CDKL5: variants seen among roughly 807,000 people sequenced by gnomAD.
CDKL5 encodes cyclin dependent kinase like 5, also known as cyclin-dependent kinase-like 5.
A neutral mutation model predicts 61.7 loss-of-function variants in CDKL5; 8 were observed. The observed-to-expected ratio is 0.13, with a 90% confidence interval of 0.08 to 0.23. The LOEUF is 0.23. Ranked by LOEUF, CDKL5 falls within the 10% of genes least tolerant of loss-of-function variation. The pLI, the probability that CDKL5 is intolerant of heterozygous loss-of-function variation, is 1.00. For synonymous variants in CDKL5, 275 were observed against 272.3 expected, an observed-to-expected ratio of 1.01 and a Z score of -0.10; for missense variants, 440 against 734.5, an observed-to-expected ratio of 0.60 and a Z score of 4.63.
At chrX:18,505,689 T>C (rs1922553593) in intron 1 of CDKL5, among the ~76,000 whole-genome samples, 2 of 112,509 alleles carry the variant, frequency 1.8e-5, no homozygotes, top group East Asian at 5.5e-4. Flanking sequence ...ATGTGATACA[T>C]CCTATCAGGG....
chrX:18,562,144 G>GT (rs1306766112), intron 3 of CDKL5, among the ~76,000 whole-genome samples: 1 of 111,577 alleles, frequency 9.0e-6, no homozygotes, highest in Non-Finnish European at 1.9e-5. Context: ...TGCCAGAGAG[G>GT]TTTTTTTAAA....
chrX:18,608,528 A>G (rs1249526456), intron 12 of CDKL5, among the ~76,000 whole-genome samples: 1 of 111,481 alleles, frequency 9.0e-6, no homozygotes, highest in Non-Finnish European at 1.9e-5. Context: ...AGATATTAGA[A>G]TGGTAATTTT....
chrX:18,544,793 A>C (rs1305944968), intron 3 of CDKL5, among the ~76,000 whole-genome samples: 1 of 112,779 alleles, frequency 8.9e-6, no homozygotes, highest in African/African-American at 3.2e-5. Context: ...TTTCTTTCTT[A>C]TTAAACCACA....
chrX:18,473,505 T>C (rs1034808606), intron 1 of CDKL5, among the ~76,000 whole-genome samples: 3 of 109,632 alleles, frequency 2.7e-5, no homozygotes, highest in South Asian at 4.0e-4. Context: ...CAGTAGGATA[T>C]GAATGAAGAT....
intron 1 of CDKL5, among the ~76,000 whole-genome samples, chrX:18,444,677 T>C (rs950152253): frequency 8.9e-6 from 1 of 112,587 alleles, no homozygotes; most frequent in Non-Finnish European, 1.9e-5. Context: ...TGTATTTAAA[T>C]TTTCTTTCAA....
intron 5 of CDKL5, among the ~76,000 whole-genome samples, chrX:18,577,740 G>A (rs932567712): frequency 8.0e-5 from 9 of 111,888 alleles, no homozygotes; most frequent in Non-Finnish European, 1.3e-4. Context: ...CGGAGTAAGG[G>A]AAGACTGGAT....
At chrX:18,518,388 A>ATTTTTTTTTTTTTTTTTTTCTT (rs1923113136) in intron 3 of CDKL5, among the ~76,000 whole-genome samples, 2 of 21,163 alleles carry the variant, frequency 9.5e-5, no homozygotes, top group Admixed American at 8.4e-4. Context: ...TTCTTTTCTT[A>ATTTTTTTTTTTTTTTTTTTCTT]TTTTTTTTTT....
In CDKL5 at chrX:18,631,017, C is replaced by T; in HGVS notation, c.*2260C>T. The T allele has an allele frequency of 2.7e-6, 2 of 751,600 alleles. No individual in the cohort carries two copies. Among genetic ancestry groups the T allele is most frequent in the Non-Finnish European group, 3.1e-6 (2 of 638,872 alleles). 61.9% of individuals were successfully genotyped at this position (751,600 alleles called of 1,213,427 possible). A position where few individuals can be genotyped will look rare whatever the true frequency, so the allele number is the denominator to read the frequency against. On this transcript the variant is annotated 3_prime_UTR_variant, in exon 18 of 18. Transcript: ENST00000623535. ...TTTTTTTCTCTGGAAAGACTTCTCA[C>T]TGTGCTATGCGCTTAGGAACTGCAC...
chrX:18,441,245 G>A (rs1372062059), intron 1 of CDKL5, among the ~76,000 whole-genome samples: 1 of 110,916 alleles, frequency 9.0e-6, no homozygotes, highest in Non-Finnish European at 1.9e-5. Context: ...GTGAAACACC[G>A]TCTCTATCAA....
chrX:18,445,698 T>G (rs1343564492), intron 1 of CDKL5, among the ~76,000 whole-genome samples: 1 of 111,577 alleles, frequency 9.0e-6, no homozygotes, highest in Non-Finnish European at 1.9e-5. Flanking sequence ...CTTCACCCTT[T>G]ACACTCTGTG....
chrX:18,570,998 C>T (rs149173244), intron 4 of CDKL5, among the ~76,000 whole-genome samples: 5 of 111,250 alleles, frequency 4.5e-5, no homozygotes, highest in African/African-American at 1.6e-4. Flanking sequence ...TCAGCTAAAC[C>T]CCCTCAGTGG....
intron 3 of CDKL5, among the ~76,000 whole-genome samples, chrX:18,518,035 A>G (rs956233349): frequency 2.7e-5 from 3 of 111,616 alleles, no homozygotes; most frequent in African/African-American, 9.8e-5. Context: ...GTCGTGATCT[A>G]TTTCTACATA....
intron 1 of CDKL5, among the ~76,000 whole-genome samples, chrX:18,464,871 A>G (rs1286019140): frequency 8.9e-6 from 1 of 112,063 alleles, no homozygotes; most frequent in Non-Finnish European, 1.9e-5. Flanking sequence ...AAAAAATGTC[A>G]GTGTGTGTAC....
rs748694628 is a variant in CDKL5, at chrX:18,511,184, C to T, written c.99+330C>T. ...TATATGTGGAATTTTCCACTTGTGG[C>T]ATCATATCAGTACTCAAAGTTTTGG... is the stretch of plus-strand genomic sequence containing the variant. On this transcript the variant is annotated intron_variant, in intron 3 of 17. Transcript: ENST00000623535. Among the ~76,000 whole-genome samples the T allele has an allele frequency of 1.4e-4, 16 of 111,942 alleles. No individual in the cohort carries two copies. In the Admixed American group the frequency reaches 1.4e-3, roughly 10 times the overall value.
intron 5 of CDKL5, 69 bp from the exon 6 acceptor site, chrX:18,579,779 G>C: frequency 1.9e-6 from 2 of 1,028,144 alleles, no homozygotes; most frequent in Admixed American, 4.4e-5. Context: ...TAGATGCTTT[G>C]TAAAATTGTT....
At chrX:18,446,597 T>C (rs1396219967) in intron 1 of CDKL5, among the ~76,000 whole-genome samples, 1 of 111,977 alleles carries the variant, frequency 8.9e-6, no homozygotes, top group Admixed American at 9.5e-5. Context: ...TCTTTGGGAC[T>C]GTAATCAATA....
chrX:18,441,932 A>G (rs1359202291), intron 1 of CDKL5, among the ~76,000 whole-genome samples: 2 of 111,147 alleles, frequency 1.8e-5, no homozygotes, highest in Non-Finnish European at 3.8e-5. Context: ...GACTCTCAGG[A>G]TCTTGCCCCT....
intron 15 of CDKL5, among the ~76,000 whole-genome samples, chrX:18,613,742 T>C (rs1306125584): frequency 2.7e-5 from 3 of 111,527 alleles, no homozygotes; most frequent in Non-Finnish European, 5.6e-5. Flanking sequence ...GGGTTCAAAC[T>C]TAAATGGGCT....
intron 7 of CDKL5, among the ~76,000 whole-genome samples, chrX:18,583,677 G>T (rs1403199195): frequency 9.0e-6 from 1 of 111,344 alleles, no homozygotes; most frequent in Non-Finnish European, 1.9e-5. Context: ...CCTTTTCAAA[G>T]GGTGGGGGTA....
Sources: allele counts gnomAD v4.1 joint callset (sites outside exome capture counted in the v4.1 genomes callset), GRCh38; gene constraint gnomAD v4.1.1; transcripts MANE v1.5; gene names NCBI Gene and HGNC (gene_info 2026-07-23, HGNC 2026-07-21).